CHLSN: variants seen among roughly 807,000 people sequenced by gnomAD.
CHLSN encodes protein cholesin.
At chr7:986,781 T>G in the CHLSN span, 1 of 1,579,158 alleles carries the variant, frequency 6.3e-7, no homozygotes, top group Non-Finnish European at 8.6e-7. Context: ...GTGGACGCCC[T>G]GATCCAGCAG....
the CHLSN span, among the ~76,000 whole-genome samples, chr7:1,050,508 C>T: frequency 6.6e-6 from 1 of 152,246 alleles, no homozygotes; most frequent in Non-Finnish European, 1.5e-5. Context: ...GCTGCCCCAG[C>T]TTCTCCAAGT....
At chr7:1,040,334 A>G in the CHLSN span, among the ~76,000 whole-genome samples, 5 of 151,988 alleles carry the variant, frequency 3.3e-5, no homozygotes, top group African/African-American at 1.2e-4. Flanking sequence ...CTCTGCAAAA[A>G]AACTTTAAAA....
At chr7:1,032,519 G>A in the CHLSN span, among the ~76,000 whole-genome samples, 26 of 145,124 alleles carry the variant, frequency 1.8e-4, no homozygotes, top group Admixed American at 1.2e-3. Context: ...CGCCCACACC[G>A]CCAGGCACCC....
chr7:1,069,318 G>A, the CHLSN span, among the ~76,000 whole-genome samples: 17,399 of 151,902 alleles, frequency 0.11, 1,223 homozygotes, highest in Middle Eastern at 0.26. Context: ...GCGACAGAGC[G>A]AAACTCCGTC....
chr7:1,016,797 A>AG, the CHLSN span, among the ~76,000 whole-genome samples: 1 of 77,188 alleles, frequency 1.3e-5, no homozygotes, highest in African/African-American at 7.8e-5. Context: ...ACACAGCAGC[A>AG]CACAGCAGCA....
the CHLSN span, among the ~76,000 whole-genome samples, chr7:1,013,165 T>C: frequency 3.9e-5 from 6 of 152,242 alleles, no homozygotes; most frequent in East Asian, 9.7e-4. Context: ...GTGAGCAAGG[T>C]AGGACGGCTG....
At chr7:1,075,097 G>C in the CHLSN span, among the ~76,000 whole-genome samples, 1 of 152,194 alleles carries the variant, frequency 6.6e-6, no homozygotes, top group Non-Finnish European at 1.5e-5. Context: ...GAGCAGCCTT[G>C]CCGCCACCTC....
chr7:997,935 T>C, the CHLSN span: 4 of 775,048 alleles, frequency 5.2e-6, no homozygotes, highest in Admixed American at 1.2e-4. Flanking sequence ...CCCGAGGGTG[T>C]GGGCGGCCTG....
the CHLSN span, among the ~76,000 whole-genome samples, chr7:1,006,755 T>C: frequency 8.1e-6 from 1 of 123,620 alleles, no homozygotes; most frequent in Non-Finnish European, 1.7e-5. Context: ...ATGGCCACAT[T>C]GCAGGGAAAG....
chr7:1,068,999 T>C, the CHLSN span, among the ~76,000 whole-genome samples: 5 of 152,178 alleles, frequency 3.3e-5, no homozygotes, highest in African/African-American at 1.2e-4. Flanking sequence ...TGGGTGTGCC[T>C]GCCCACCAGA....
the CHLSN span, among the ~76,000 whole-genome samples, chr7:1,089,219 C>T: frequency 1.3e-5 from 2 of 152,214 alleles, no homozygotes; most frequent in African/African-American, 2.4e-5. Flanking sequence ...GGCATTTATG[C>T]TGTTCAATGG....
At chr7:979,401 T>C in the CHLSN span, among the ~76,000 whole-genome samples, 15 of 152,042 alleles carry the variant, frequency 9.9e-5, no homozygotes, top group Admixed American at 1.3e-4. Flanking sequence ...TGTCAGACGT[T>C]ATCTTATGTG....
the CHLSN span, among the ~76,000 whole-genome samples, chr7:1,011,721 C>T: frequency 1.3e-5 from 2 of 151,230 alleles, no homozygotes; most frequent in Non-Finnish European, 1.5e-5. Flanking sequence ...TACCCACACA[C>T]GCCCACAGAC....
At chr7:1,081,646 T>C in the CHLSN span, among the ~76,000 whole-genome samples, 1 of 152,180 alleles carries the variant, frequency 6.6e-6, no homozygotes. Flanking sequence ...GCACACAGGC[T>C]GTGGAGCTGG....
At chr7:1,048,255 G>A in the CHLSN span, among the ~76,000 whole-genome samples, 4 of 152,176 alleles carry the variant, frequency 2.6e-5, no homozygotes, top group Non-Finnish European at 5.9e-5. Context: ...GGGACTTGCC[G>A]GCCCCAGCTC....
At chr7:1,014,514 TC>T in the CHLSN span, among the ~76,000 whole-genome samples, 1 of 152,250 alleles carries the variant, frequency 6.6e-6, no homozygotes, top group Non-Finnish European at 1.5e-5. Context: ...CACTGGCTCT[TC>T]CTGGAGATGT....
At chr7:1,123,352 C>T in the CHLSN span, among the ~76,000 whole-genome samples, 1 of 152,210 alleles carries the variant, frequency 6.6e-6, no homozygotes, top group Non-Finnish European at 1.5e-5. The surrounding 1 kb of genome is among the most constrained non-coding windows in gnomAD (Gnocchi z 4.4). Flanking sequence ...CCGGGAGTGG[C>T]CGCTGACCCG....
chr7:1,127,219 C>A, the CHLSN span: 2 of 1,559,242 alleles, frequency 1.3e-6, no homozygotes, highest in East Asian at 2.3e-5. Flanking sequence ...ACAGGTGGAT[C>A]CCAGAGGGCA....
At chr7:1,020,563 AC>A in the CHLSN span, among the ~76,000 whole-genome samples, 1 of 152,134 alleles carries the variant, frequency 6.6e-6, no homozygotes, top group African/African-American at 2.4e-5. Context: ...GAACAGGCCA[AC>A]CCCTCCCAGA....
Sources: gnomAD v4.1 joint callset for allele counts (sites outside exome capture counted in the v4.1 genomes callset) on GRCh38, gnomAD v4.1.1 for gene constraint, Gnocchi (gnomAD v3.1) non-coding constraint, MANE v1.5 for transcripts, NCBI Gene and HGNC (gene_info 2026-07-23, HGNC 2026-07-21) for gene names.